The following HDX variants were observed in gnomAD, a reference collection of about 807,000 sequenced individuals.
HDX encodes highly divergent homeobox.
In HDX, 19 loss-of-function variants were observed where a neutral mutation model predicts 45.2. That is an observed-to-expected ratio of 0.42 (90% CI 0.29 to 0.62). HDX has a LOEUF of 0.62. Among genes scored for constraint, HDX ranks in the 20% least tolerant of loss-of-function variants. The pLI is 0.20. For synonymous variants in HDX, 188 were observed against 172.8 expected, an observed-to-expected ratio of 1.09 and a Z score of -0.69; for missense variants, 532 against 493.9, an observed-to-expected ratio of 1.08 and a Z score of -0.73.
chrX:84,479,833 T>C (rs1249800832), intron 2 of HDX, among the ~76,000 whole-genome samples: 2 of 111,493 alleles, frequency 1.8e-5, no homozygotes, highest in Admixed American at 1.9e-4. Flanking sequence ...TCTTTTTGTA[T>C]ACTTACCCGC....
At chrX:84,459,306 G>T (rs984363162) in intron 4 of HDX, among the ~76,000 whole-genome samples, 23 of 110,206 alleles carry the variant, frequency 2.1e-4, no homozygotes, top group African/African-American at 7.6e-4. Context: ...GCCGGGCGTG[G>T]TGGCGGGCGC....
chrX:84,433,649 G>A (rs1448579831), intron 5 of HDX, among the ~76,000 whole-genome samples: 12 of 111,418 alleles, frequency 1.1e-4, no homozygotes, highest in Non-Finnish European at 3.8e-5. Flanking sequence ...TTTTTACTCA[G>A]TATTGCTTTG....
intron 5 of HDX, among the ~76,000 whole-genome samples, chrX:84,404,941 A>C (rs1024655823): frequency 1.8e-5 from 2 of 111,491 alleles, no homozygotes; most frequent in Non-Finnish European, 3.8e-5. Flanking sequence ...TTTTGGAAAA[A>C]GGAAATCTAG....
In HDX at chrX:84,339,072, T is replaced by C. The variant is rs770907370; in HGVS notation, c.1661-2192A>G. Among the ~76,000 whole-genome samples, 138 of 111,633 alleles carry C rather than the reference T, an allele frequency of 1.2e-3. 1 individual carries two copies. Among genetic ancestry groups the C allele is most frequent in the African/African-American group, 4.4e-3 (136 of 30,775 alleles). On this transcript the variant is annotated intron_variant, in intron 7 of 10. Transcript: ENST00000373177. ...TTACCCAGTCTCAGGTATTTCCTTA[T>C]AGCAGTGCTGGAACAAACTGAAGCA...
At chrX:84,417,584 G>A (rs2039144799) in intron 5 of HDX, among the ~76,000 whole-genome samples, 1 of 112,284 alleles carries the variant, frequency 8.9e-6, no homozygotes, top group Admixed American at 9.4e-5. Flanking sequence ...ACAGAATGCT[G>A]GAAAATCTAG....
At chrX:84,396,738 C>A (rs6653032) in intron 5 of HDX, among the ~76,000 whole-genome samples, 1 of 110,953 alleles carries the variant, frequency 9.0e-6, no homozygotes, top group Non-Finnish European at 1.9e-5. Context: ...TCAGCTGTGG[C>A]AGTATCAGCA....
At chrX:84,459,815 A>G (rs1465069757) in intron 4 of HDX, among the ~76,000 whole-genome samples, 1 of 111,802 alleles carries the variant, frequency 8.9e-6, no homozygotes, top group Non-Finnish European at 1.9e-5. Context: ...GAGAAAAGAG[A>G]GAAGACTCAA....
chrX:84,448,063 C>T (rs1420581019), intron 4 of HDX, among the ~76,000 whole-genome samples: 1 of 111,888 alleles, frequency 8.9e-6, no homozygotes, highest in Non-Finnish European at 1.9e-5. Context: ...GAGGACAGGC[C>T]TTCCTGGCTC....
chrX:84,447,258 CAA>C (rs1266397101), intron 4 of HDX, among the ~76,000 whole-genome samples: 3 of 111,440 alleles, frequency 2.7e-5, no homozygotes, highest in Non-Finnish European at 5.7e-5. Flanking sequence ...AAAGAAGAAA[CAA>C]AACAGCAAGT....
intron 5 of HDX, among the ~76,000 whole-genome samples, chrX:84,373,550 G>C (rs1055155793): frequency 1.8e-5 from 2 of 110,364 alleles, no homozygotes; most frequent in Non-Finnish European, 3.8e-5. Context: ...TCATCAAAAA[G>C]CTTATCCACC....
At chrX:84,346,348 C>A (rs977596469) in intron 6 of HDX, among the ~76,000 whole-genome samples, 1 of 110,991 alleles carries the variant, frequency 9.0e-6, no homozygotes, top group African/African-American at 3.3e-5. Context: ...TTATCAAATT[C>A]CAGCAAGATT....
At chrX:84,436,336 C>T (rs934105524) in intron 5 of HDX, among the ~76,000 whole-genome samples, 24 of 103,979 alleles carry the variant, frequency 2.3e-4, no homozygotes, top group Admixed American at 1.7e-3. Context: ...CTAGATGACG[C>T]GTTAATGGGT....
At chrX:84,360,730 T>C (rs1486470882) in intron 6 of HDX, among the ~76,000 whole-genome samples, 2 of 111,910 alleles carry the variant, frequency 1.8e-5, no homozygotes, top group Non-Finnish European at 3.8e-5. Context: ...TCATCCGTTT[T>C]ATAGCACATA....
At chrX:84,367,988 T>G (rs753879525) in intron 5 of HDX, among the ~76,000 whole-genome samples, 2 of 111,979 alleles carry the variant, frequency 1.8e-5, no homozygotes, top group African/African-American at 6.5e-5. Flanking sequence ...ATCCCAGAAC[T>G]TAAAGTATAA....
chrX:84,467,805 T>G (rs1442561073), intron 4 of HDX, among the ~76,000 whole-genome samples: 1 of 111,285 alleles, frequency 9.0e-6, no homozygotes, highest in Non-Finnish European at 1.9e-5. Context: ...ATGTGATTAT[T>G]TGAAGCATAC....
intron 4 of HDX, among the ~76,000 whole-genome samples, chrX:84,463,713 G>A (rs1476245032): frequency 9.0e-6 from 1 of 110,640 alleles, no homozygotes; most frequent in Non-Finnish European, 1.9e-5. Flanking sequence ...CAGGCAGTTT[G>A]ACATAGAGGT....
intron 6 of HDX, among the ~76,000 whole-genome samples, chrX:84,353,330 G>C (rs1039830287): frequency 3.6e-5 from 4 of 111,067 alleles, no homozygotes; most frequent in African/African-American, 1.3e-4. Context: ...CAAGGTACTA[G>C]TGTTAAAAGG....
intron 4 of HDX, among the ~76,000 whole-genome samples, chrX:84,453,092 C>T (rs1397139932): frequency 2.7e-5 from 3 of 112,053 alleles, no homozygotes; most frequent in Non-Finnish European, 1.9e-5. Flanking sequence ...TCAGCATACA[C>T]GACAGACTCA....
At chrX:84,431,827 G>C (rs2039512958) in intron 5 of HDX, among the ~76,000 whole-genome samples, 1 of 111,055 alleles carries the variant, frequency 9.0e-6, no homozygotes, top group African/African-American at 3.3e-5. Context: ...CTGTGCAGAA[G>C]CTCTTCAGTT....
Sources: gnomAD v4.1 joint callset for allele counts (sites outside exome capture counted in the v4.1 genomes callset) on GRCh38, gnomAD v4.1.1 for gene constraint, MANE v1.5 for transcripts, NCBI Gene and HGNC (gene_info 2026-07-23, HGNC 2026-07-21) for gene names.